The following ZC3H4 variants were observed in gnomAD, a reference collection of about 807,000 sequenced individuals.
ZC3H4 encodes the protein zinc finger CCCH domain-containing protein 4.
Under a neutral mutation model 108.3 loss-of-function variants are expected in ZC3H4, and 13 were observed. The observed-to-expected ratio is 0.12, with a 90% CI of 0.08 to 0.19. ZC3H4 has a LOEUF of 0.19. Ranked by LOEUF, ZC3H4 falls within the 10% of genes least tolerant of loss-of-function variation. ZC3H4 has a pLI of 1.00. For missense variants in ZC3H4, 1,734 were observed against 1,838.8 expected, an observed-to-expected ratio of 0.94 and a Z score of 1.04; for synonymous variants, 917 against 749.6, an observed-to-expected ratio of 1.22 and a Z score of -3.65.
intron 5 of ZC3H4, among the ~76,000 whole-genome samples, chr19:47,088,490 G>T (rs772504738): frequency 8.6e-5 from 13 of 151,998 alleles, no homozygotes; most frequent in Non-Finnish European, 1.5e-4. Flanking sequence ...AGAGGTTGCA[G>T]TGAGCCGAGA....
intron 14 of ZC3H4, among the ~76,000 whole-genome samples, chr19:47,068,719 T>C (rs1024730385): frequency 1.3e-5 from 2 of 152,218 alleles, no homozygotes; most frequent in African/African-American, 4.8e-5. Context: ...TTAATTTCAA[T>C]GACTAGCTCT....
At chr19:47,107,756 T>C (rs1447667542) in intron 2 of ZC3H4, among the ~76,000 whole-genome samples, 4 of 151,928 alleles carry the variant, frequency 2.6e-5, no homozygotes, top group African/African-American at 7.3e-5. Flanking sequence ...GTCACCCCAA[T>C]GGGTGATGTG....
Position 47,072,255 on chromosome 19 carries a change from G to T in ZC3H4, c.1802+97C>A. Reference sequence around the variant, plus strand: ...AGGACTCCCACAGCTGGGGAGAGAGGCAGGACTCTCCCACAGCCAGGCTTG... The same window carrying T: ...AGGACTCCCACAGCTGGGGAGAGAGTCAGGACTCTCCCACAGCCAGGCTTG... On this transcript the variant is annotated intron_variant, in intron 12 of 14. Coordinates refer to ENST00000253048, the MANE Select transcript of ZC3H4 (RefSeq NM_015168.2). This position sits in a 1 kb window ranked among gnomAD's most constrained non-coding sequence, Gnocchi z 5.6. The T allele has an allele frequency of 7.1e-7, 1 of 1,415,258 alleles. No individual in the cohort carries two copies. The highest frequency in any genetic ancestry group is 9.6e-7 in the Non-Finnish European group (1 of 1,039,940). The allele number at this position is 1,415,258 out of a possible 1,614,324, so 87.7% of individuals were successfully genotyped here. A position where few individuals can be genotyped will look rare whatever the true frequency, so the allele number is the denominator to read the frequency against.
intron 9 of ZC3H4, among the ~76,000 whole-genome samples, chr19:47,082,680 G>A (rs1184206547): frequency 3.3e-5 from 5 of 152,028 alleles, no homozygotes; most frequent in East Asian, 1.9e-4. Context: ...TGTGATGCTC[G>A]GAGGCACAGC....
intron 13 of ZC3H4, among the ~76,000 whole-genome samples, chr19:47,069,941 T>G (rs1028118546): frequency 7.2e-5 from 11 of 152,174 alleles, no homozygotes; most frequent in African/African-American, 2.7e-4. Context: ...CTCCACCTCC[T>G]GCAGCGTGGG....
chr19:47,075,899 G>T (rs1472019397), intron 11 of ZC3H4, among the ~76,000 whole-genome samples: 1 of 152,122 alleles, frequency 6.6e-6, no homozygotes, highest in Non-Finnish European at 1.5e-5. Context: ...CAGACCCTGT[G>T]GAGGGCACCT....
rs757845452 is a variant in ZC3H4 at position 47,066,690 on chromosome 19, T to C, written c.3578A>G (p.Lys1193Arg). The change falls in exon 15 of 15, where the codon AAG becomes AGG. Residue 1193 changes from lysine (K) to arginine (R), a missense_variant. Physicochemically the swap from Lys to Arg is conservative, Grantham distance 26. This residue lies in a region of ZC3H4 where 518 missense variants were observed against 499.6 expected (regional missense o/e 1.04). Transcript: ENST00000253048. ...TGTCTCTGGCTGTTCCAGGGCAGAC[T>C]TGCGGACGAACGGGGGCTCCTTAGC... is the stretch of plus-strand genomic sequence containing the variant. ...SKAKEPPFVR[K>R]SALEQPETGK... The C allele has an allele frequency of 1.2e-6, 2 of 1,610,832 alleles. No homozygotes were observed. Among genetic ancestry groups the C allele is most frequent in the East Asian group, 4.5e-5 (2 of 44,830 alleles).
rs778114616 is a variant in ZC3H4, at chr19:47,085,124, C to G, written c.1039G>C (p.Gly347Arg). ...KGMGRGRGRG[G>R]SRGGMNKGGM... ...CCCTTGTTCATCCCTCCTCGGCTGC[C>G]ACCTCGGCCTCGGCCCCGACCCATT... The change falls in exon 8 of 15, where the codon GGC becomes CGC. Residue 347 changes from glycine (G) to arginine (R), a missense_variant. By Grantham distance (125) the Gly-to-Arg change is moderately radical. This residue lies in a region of ZC3H4 where 403 missense variants were observed against 457.0 expected (regional missense o/e 0.88). Transcript: ENST00000253048. The G allele has an allele frequency of 3.1e-6, 5 of 1,614,114 alleles. No homozygotes were observed. Among genetic ancestry groups the G allele is most frequent in the Non-Finnish European group, 4.2e-6 (5 of 1,180,038 alleles).
At chr19:47,070,766 T>A (rs1157881325) in intron 13 of ZC3H4, among the ~76,000 whole-genome samples, 2 of 152,146 alleles carry the variant, frequency 1.3e-5, no homozygotes, top group Non-Finnish European at 2.9e-5. Context: ...AATTTCCACA[T>A]GGCCGTCGGA....
chr19:47,074,622 C>G (rs1229519381), intron 11 of ZC3H4, among the ~76,000 whole-genome samples: 1 of 152,224 alleles, frequency 6.6e-6, no homozygotes, highest in Non-Finnish European at 1.5e-5. Context: ...TGCATCTAAA[C>G]TGTTTCTGCA....
rs369502892 is a variant in ZC3H4 at position 47,067,277 on chromosome 19, G to A, written c.2991C>T (p.Pro997=). ...LPIPKQDAVP[P]VPAALQSMPT... ...GCATGGATTGCAGGGCCGCGGGCAC[G>A]GGGGGCACTGCGTCCTGCTTGGGGA... The change falls in exon 15 of 15, where the codon CCC becomes CCT. Residue 997 remains proline, a synonymous_variant. Transcript: ENST00000253048. The surrounding 1 kb of genome is among the most constrained non-coding windows in gnomAD (Gnocchi z 6.4). 7.2e-5 allele frequency: 115 copies of A among 1,588,476 alleles called. No homozygotes were observed. Among genetic ancestry groups the A allele is most frequent in the African/African-American group, 4.3e-4 (32 of 74,270 alleles).
intron 13 of ZC3H4, 109 bp downstream of exon 13, chr19:47,071,669 C>T (rs901322579): frequency 1.7e-6 from 2 of 1,192,876 alleles, no homozygotes; most frequent in Non-Finnish European, 1.1e-6. Context: ...GAGATGGAGT[C>T]ATGCTTTCAA....
intron 11 of ZC3H4, among the ~76,000 whole-genome samples, chr19:47,080,243 T>G (rs1281670839): frequency 1.3e-5 from 2 of 152,208 alleles, no homozygotes; most frequent in Non-Finnish European, 2.9e-5. Context: ...GGACTGATGT[T>G]TGGGTATTTA....
intron 2 of ZC3H4, among the ~76,000 whole-genome samples, chr19:47,111,517 C>T (rs1420357930): frequency 1.3e-5 from 2 of 152,148 alleles, no homozygotes; most frequent in African/African-American, 4.8e-5. Flanking sequence ...CTTCCTCTCC[C>T]TACAAGGCAG....
chr19:47,088,922 A>C (rs1437944351), intron 5 of ZC3H4, among the ~76,000 whole-genome samples: 2 of 152,062 alleles, frequency 1.3e-5, no homozygotes, highest in Admixed American at 6.6e-5. Context: ...TAGAAGAACC[A>C]ATGGGCCGGG....
intron 6 of ZC3H4, 43 bp downstream of exon 6, chr19:47,086,341 A>T (rs773286885): frequency 1.9e-6 from 3 of 1,609,254 alleles, no homozygotes; most frequent in Non-Finnish European, 2.5e-6. Flanking sequence ...CGGAAAGCCC[A>T]CCAGCCTCAC....
intron 14 of ZC3H4, among the ~76,000 whole-genome samples, chr19:47,068,167 A>G (rs1161632331): frequency 6.6e-6 from 1 of 152,200 alleles, no homozygotes; most frequent in African/African-American, 2.4e-5. Flanking sequence ...TGCCCATTTG[A>G]CAGATGTGAA....
At chr19:47,106,162 G>A (rs1187424645) in intron 2 of ZC3H4, among the ~76,000 whole-genome samples, 1 of 152,146 alleles carries the variant, frequency 6.6e-6, no homozygotes, top group African/African-American at 2.4e-5. Flanking sequence ...TTGCCCCTTC[G>A]GAAAGACAAA....
chr19:47,105,218 G>A (rs2057953215), intron 2 of ZC3H4, among the ~76,000 whole-genome samples: 1 of 152,178 alleles, frequency 6.6e-6, no homozygotes, highest in African/African-American at 2.4e-5. Context: ...ATCACGTGGT[G>A]GGCAGCAACT....
Sources: gnomAD v4.1 joint callset for allele counts (sites outside exome capture counted in the v4.1 genomes callset) on GRCh38, gnomAD v4.1.1 for gene constraint, gnomAD v4.1.1 regional missense constraint, Gnocchi (gnomAD v3.1) non-coding constraint, MANE v1.5 for transcripts, NCBI Gene and HGNC (gene_info 2026-07-23, HGNC 2026-07-21) for gene names.